MEMO1: variants seen among roughly 807,000 people sequenced by gnomAD.
The protein encoded by MEMO1 is mediator of cell motility 1, also known as protein MEMO1.
Under a neutral mutation model 45.2 loss-of-function variants are expected in MEMO1, and 6 were observed. That is an observed-to-expected ratio of 0.13 (90% CI 0.07 to 0.26). The LOEUF (loss-of-function observed/expected upper bound fraction) is 0.26, where lower values mean the gene tolerates loss of function less well. Among genes scored for constraint, MEMO1 ranks in the 10% least tolerant of loss-of-function variants. The pLI, the probability that MEMO1 is intolerant of heterozygous loss-of-function variation, is 1.00. For synonymous variants in MEMO1, 78 were observed against 124.3 expected (o/e 0.63, Z 2.48); for missense variants, 184 against 370.5 (o/e 0.50, Z 4.13).
chr2:31,912,613 G>A (rs1441087774), intron 6 of MEMO1, among the ~76,000 whole-genome samples: 1 of 146,980 alleles, frequency 6.8e-6, no homozygotes. Context: ...GTAATCATAA[G>A]AAAAAAACTT....
At chr2:32,007,824 C>T (rs2148625895) in intron 2 of MEMO1, among the ~76,000 whole-genome samples, 1 of 152,266 alleles carries the variant, frequency 6.6e-6, no homozygotes, top group African/African-American at 2.4e-5. Flanking sequence ...TAAACCCAGT[C>T]GAAGTTTACT....
At position 31,901,808 on chromosome 2, in the gene MEMO1, C is replaced by T. The variant is rs773058977; in HGVS notation, c.438-9674G>A. Among the ~76,000 whole-genome samples the T allele has an allele frequency of 6.1e-4, 92 of 151,376 alleles. 1 individual carries two copies. Among genetic ancestry groups the T allele is most frequent in the African/African-American group, 5.4e-4 (22 of 41,074 alleles). ...CCTGTAATCCCAGTTACTCAGGAGG[C>T]GGAGGCAGGGGAATTGCTTGAACCA... On this transcript the variant is annotated intron_variant, in intron 6 of 9. Coordinates refer to ENST00000404530, the MANE Select transcript of MEMO1 (RefSeq NM_001301833.4).
chr2:31,891,153 T>C (rs1474007569), intron 7 of MEMO1, among the ~76,000 whole-genome samples: 1 of 152,228 alleles, frequency 6.6e-6, no homozygotes, highest in Non-Finnish European at 1.5e-5. Flanking sequence ...TTAAAAATTA[T>C]GGTCTTACAT....
intron 6 of MEMO1, among the ~76,000 whole-genome samples, chr2:31,911,577 C>T (rs1450506615): frequency 1.3e-5 from 2 of 152,104 alleles, no homozygotes; most frequent in Non-Finnish European, 2.9e-5. Flanking sequence ...AACAAATGTA[C>T]CATACTAATT....
chr2:31,963,053 C>T (rs1003908040), intron 2 of MEMO1: 14 of 1,326,554 alleles, frequency 1.1e-5, no homozygotes, highest in African/African-American at 1.5e-5. Context: ...TCTGCCTTCA[C>T]CTTCAAACTG....
intron 2 of MEMO1, among the ~76,000 whole-genome samples, chr2:31,986,410 T>G (rs1190029460): frequency 1.3e-5 from 2 of 152,016 alleles, no homozygotes; most frequent in African/African-American, 2.4e-5. Flanking sequence ...AGGCGGAGCT[T>G]GCAGTGAGCC....
At chr2:31,979,840 G>A (rs566589362) in intron 2 of MEMO1, among the ~76,000 whole-genome samples, 4 of 151,918 alleles carry the variant, frequency 2.6e-5, no homozygotes, top group Non-Finnish European at 5.9e-5. Context: ...AACTGTAGCA[G>A]GGGCTCGTTT....
At chr2:31,915,952 C>T (rs1681370385) in intron 6 of MEMO1, among the ~76,000 whole-genome samples, 1 of 152,004 alleles carries the variant, frequency 6.6e-6, no homozygotes, top group African/African-American at 2.4e-5. Flanking sequence ...AAATAACTGA[C>T]ATAGGTAATG....
chr2:31,945,660 C>A (rs1572766183), intron 2 of MEMO1, among the ~76,000 whole-genome samples: 1 of 152,228 alleles, frequency 6.6e-6, no homozygotes, highest in Admixed American at 6.5e-5. Flanking sequence ...ATAACCATCT[C>A]TTTCAAATGA....
At chr2:31,995,108 T>C (rs536941396) in intron 2 of MEMO1, among the ~76,000 whole-genome samples, 4 of 151,796 alleles carry the variant, frequency 2.6e-5, no homozygotes, top group African/African-American at 4.8e-5. Context: ...AAACAGCTAT[T>C]GTAGAAATAT....
intron 2 of MEMO1, among the ~76,000 whole-genome samples, chr2:31,980,009 TAAA>T (rs34551355): frequency 1.5e-5 from 2 of 137,652 alleles, no homozygotes. Context: ...TGTCTTAATT[TAAA>T]AAAAAAAAAA....
At chr2:31,964,117 TA>T (rs1392935939) in intron 2 of MEMO1, among the ~76,000 whole-genome samples, 1 of 152,156 alleles carries the variant, frequency 6.6e-6, no homozygotes, top group Non-Finnish European at 1.5e-5. Context: ...AGGAATACTC[TA>T]AATCAAATTA....
At position 31,991,610 on chromosome 2, in the gene MEMO1, A is replaced by G. The variant is rs918752562; in HGVS notation, c.61+18577T>C. Among the ~76,000 whole-genome samples, 10 of 152,100 alleles carry G rather than the reference A, an allele frequency of 6.6e-5. No individual in the cohort carries two copies. The South Asian group carries it at 1.9e-3, about 28-fold the overall frequency. On this transcript the variant is annotated intron_variant, in intron 2 of 9. Transcript: ENST00000404530. Reference sequence around the variant, plus strand: ...AAACACAACACACACAGGAATGTATACAAAAGTTTTTAATTTAAAATTTAA... The same window carrying G: ...AAACACAACACACACAGGAATGTATGCAAAAGTTTTTAATTTAAAATTTAA...
chr2:31,965,280 AAGGGAAGGGAAGAAGGGAAGG>A (rs1215379370), intron 2 of MEMO1, among the ~76,000 whole-genome samples: 1 of 111,502 alleles, frequency 9.0e-6, no homozygotes, highest in Non-Finnish European at 1.9e-5. Flanking sequence ...AAGGGAAGAG[AAGGGAAGGGAAGAAGGGAAGG>A]AGGGAAGGAG....
chr2:31,971,199 T>C (rs1669353958), intron 2 of MEMO1, among the ~76,000 whole-genome samples: 1 of 152,182 alleles, frequency 6.6e-6, no homozygotes, highest in African/African-American at 2.4e-5. Context: ...GTAGGCCCTC[T>C]TTCTTAGGCA....
rs185782338 is a variant in MEMO1 at position 31,965,005 on chromosome 2, G to A, written c.62-21622C>T. On this transcript the variant is annotated intron_variant, in intron 2 of 9. Transcript: ENST00000404530. ...GAGGCGGGTGGATCACTTGAAGTCA[G>A]GAATTTGAGACGAGTCTGGCCAACA... Among the ~76,000 whole-genome samples the A allele has an allele frequency of 5.7e-4, 86 of 151,990 alleles. 2 individuals are homozygous for A. Among genetic ancestry groups the A allele is most frequent in the Middle Eastern group, 3.2e-3 (1 of 316 alleles).
chr2:31,895,165 G>A (rs1001826407), intron 6 of MEMO1, among the ~76,000 whole-genome samples: 5 of 152,090 alleles, frequency 3.3e-5, no homozygotes, highest in African/African-American at 9.7e-5. Flanking sequence ...AGTAAAAACC[G>A]AATCCAAAGT....
chr2:31,924,666 T>A (rs1243646685), intron 4 of MEMO1, among the ~76,000 whole-genome samples: 1 of 152,190 alleles, frequency 6.6e-6, no homozygotes, highest in African/African-American at 2.4e-5. Flanking sequence ...AGTAATTTTG[T>A]AAACGTGTTT....
At chr2:31,953,143 C>T (rs184050121) in intron 2 of MEMO1, among the ~76,000 whole-genome samples, 6 of 152,020 alleles carry the variant, frequency 3.9e-5, no homozygotes, top group Non-Finnish European at 5.9e-5. Flanking sequence ...CCAAAGTGGG[C>T]GGATCATGAG....
Sources: gnomAD v4.1 joint callset for allele counts (sites outside exome capture counted in the v4.1 genomes callset) on GRCh38, gnomAD v4.1.1 for gene constraint, MANE v1.5 for transcripts, NCBI Gene and HGNC (gene_info 2026-07-23, HGNC 2026-07-21) for gene names.